JMJD1C: variants seen among roughly 807,000 people sequenced by gnomAD.
JMJD1C encodes the protein jumonji domain containing 1C.
In JMJD1C, 31 loss-of-function variants were observed where a neutral mutation model predicts 245.3. That is an observed-to-expected ratio of 0.13 (90% CI 0.09 to 0.17). The LOEUF (loss-of-function observed/expected upper bound fraction) is 0.17, where lower values mean the gene tolerates loss of function less well. Among genes scored for constraint, JMJD1C ranks in the 10% least tolerant of loss-of-function variants. The probability of loss-of-function intolerance (pLI) is 1.00; values close to 1 mark genes in which losing one functional copy is unlikely to be tolerated. For missense variants in JMJD1C, 2,691 were observed against 3,000.2 expected (o/e 0.90, Z 2.41); for synonymous variants, 1,057 against 1,017.4 (o/e 1.04, Z -0.74).
At chr10:63,450,274 C>G (rs1392444312) in intron 1 of JMJD1C, among the ~76,000 whole-genome samples, 2 of 151,628 alleles carry the variant, frequency 1.3e-5, no homozygotes, top group Admixed American at 6.6e-5. Context: ...GTAGTTCCTG[C>G]TAATTGGAAG....
chr10:63,392,536 T>C (rs923230911), intron 1 of JMJD1C, among the ~76,000 whole-genome samples: 12 of 151,770 alleles, frequency 7.9e-5, no homozygotes, highest in Non-Finnish European at 1.6e-4. Context: ...CATTAAAAAG[T>C]GGGCAAAAGG....
chr10:63,335,072 G>C (rs1438627744), intron 2 of JMJD1C, among the ~76,000 whole-genome samples: 1 of 145,460 alleles, frequency 6.9e-6, no homozygotes, highest in Non-Finnish European at 1.5e-5. Flanking sequence ...AGGAGTTCCA[G>C]TCCTTCACAA....
chr10:63,378,863 C>G (rs181926201), intron 2 of JMJD1C, among the ~76,000 whole-genome samples: 81 of 152,188 alleles, frequency 5.3e-4, no homozygotes, highest in African/African-American at 1.9e-3. Flanking sequence ...TCAACATACT[C>G]ATTAAATATT....
chr10:63,387,628 A>ATTTTTT (rs1564863555), intron 1 of JMJD1C, among the ~76,000 whole-genome samples: 18 of 18,584 alleles, frequency 9.7e-4, no homozygotes, highest in Admixed American at 2.0e-3. Flanking sequence ...AGAAAAAAAA[A>ATTTTTT]ATTTTTTTTT....
At chr10:63,370,014 G>A (rs1174831788) in intron 2 of JMJD1C, among the ~76,000 whole-genome samples, 1 of 152,180 alleles carries the variant, frequency 6.6e-6, no homozygotes, top group Admixed American at 6.5e-5. Flanking sequence ...GCTAGTATGT[G>A]ATTTTGAGCC....
intron 2 of JMJD1C, among the ~76,000 whole-genome samples, chr10:63,298,157 G>C (rs548836036): frequency 2.0e-4 from 31 of 152,246 alleles, no homozygotes; most frequent in African/African-American, 7.5e-4. Flanking sequence ...GTGCTTGCCC[G>C]GTCACACACC....
At chr10:63,393,508 A>G (rs1162146326) in intron 1 of JMJD1C, among the ~76,000 whole-genome samples, 1 of 152,100 alleles carries the variant, frequency 6.6e-6, no homozygotes, top group Non-Finnish European at 1.5e-5. Context: ...AAATATAACT[A>G]CCATATGGTT....
rs746622709 is a variant in JMJD1C, at chr10:63,214,966, A to G, written c.1201T>C (p.Leu401=). The change falls in exon 8 of 26, where the codon TTG becomes CTG. Residue 401 remains leucine, a synonymous_variant. Transcript: ENST00000399262. ...NSSEQKPENE[L]KNKNTSKING... ...ATTTTTGAAGTATTTTTATTTTTCA[A>G]TTCATTCTCTGGCTTCTGTTCTGAG... The G allele has an allele frequency of 6.3e-7, 1 of 1,599,462 alleles. No homozygotes were observed. Among genetic ancestry groups the G allele is most frequent in the Non-Finnish European group, 8.5e-7 (1 of 1,173,210 alleles).
intron 1 of JMJD1C, among the ~76,000 whole-genome samples, chr10:63,383,988 C>G (rs1186993626): frequency 6.6e-6 from 1 of 152,200 alleles, no homozygotes; most frequent in Non-Finnish European, 1.5e-5. Context: ...ACTTTACCCA[C>G]AGCTGAACCT....
intron 2 of JMJD1C, among the ~76,000 whole-genome samples, chr10:63,375,814 C>T (rs1233040520): frequency 2.6e-5 from 4 of 151,988 alleles, no homozygotes; most frequent in African/African-American, 9.7e-5. Flanking sequence ...CTTAGCCTCC[C>T]AAAGAGCTGG....
At chr10:63,278,698 G>C (rs939608333) in intron 2 of JMJD1C, among the ~76,000 whole-genome samples, 1 of 151,794 alleles carries the variant, frequency 6.6e-6, no homozygotes, top group Non-Finnish European at 1.5e-5. Context: ...AATTAGTCAG[G>C]CATGGTGACA....
At chr10:63,203,555 T>C (rs1410611621) in intron 10 of JMJD1C, 9 of 962,026 alleles carry the variant, frequency 9.4e-6, no homozygotes, top group Non-Finnish European at 1.1e-5. Flanking sequence ...AGAATTTATA[T>C]ATTTGAATAT....
At chr10:63,199,265 T>C (rs931754605) in intron 11 of JMJD1C, among the ~76,000 whole-genome samples, 5 of 152,178 alleles carry the variant, frequency 3.3e-5, no homozygotes, top group Non-Finnish European at 5.9e-5. Context: ...GCTCTTAGCT[T>C]CTGATATCCA....
chr10:63,240,482 T>G (rs911676783), intron 3 of JMJD1C, among the ~76,000 whole-genome samples: 2 of 152,176 alleles, frequency 1.3e-5, no homozygotes, highest in African/African-American at 4.8e-5. Flanking sequence ...ATGCAGTAAC[T>G]AAGAGATGAT....
In JMJD1C at chr10:63,191,063, T is replaced by G. The variant is rs748240066; in HGVS notation, c.6122A>C (p.Glu2041Ala). The G allele has an allele frequency of 2.5e-6, 4 of 1,614,038 alleles. No individual in the cohort carries two copies. The South Asian group carries it at 4.4e-5, about 18-fold the overall frequency. ...TLENQIKEER[E>A]QDNSESPNGR... ...ATTTGGAGATTCAGAGTTGTCTTGTTCTCTTTCTTCTTTAATTTGGTTTTC... is the reference window on the plus strand; with the variant it reads ...ATTTGGAGATTCAGAGTTGTCTTGTGCTCTTTCTTCTTTAATTTGGTTTTC... The change falls in exon 17 of 26, where the codon GAA becomes GCA. Residue 2041 changes from glutamate (E) to alanine (A), a missense_variant. Glu to Ala is a moderately radical substitution (Grantham distance 107, BLOSUM62 -1). Transcript: ENST00000399262.
chr10:63,505,815 C>T (rs1954701294), intron 1 of JMJD1C, among the ~76,000 whole-genome samples: 2 of 128,116 alleles, frequency 1.6e-5, no homozygotes, highest in Admixed American at 8.4e-5. Flanking sequence ...CCCTCCTCCC[C>T]CCACAGTACC....
At chr10:63,277,549 A>G (rs1433592780) in intron 2 of JMJD1C, among the ~76,000 whole-genome samples, 1 of 152,122 alleles carries the variant, frequency 6.6e-6, no homozygotes, top group Non-Finnish European at 1.5e-5. Flanking sequence ...AGATTCTCAG[A>G]ATAACTAGCT....
At chr10:63,187,240 T>TA (rs1243641600) in intron 18 of JMJD1C, among the ~76,000 whole-genome samples, 3 of 152,092 alleles carry the variant, frequency 2.0e-5, no homozygotes, top group African/African-American at 7.2e-5. Context: ...TATACGACTT[T>TA]AAAAATAGGT....
chr10:63,434,450 C>T (rs1950949547), intron 1 of JMJD1C, among the ~76,000 whole-genome samples: 1 of 152,018 alleles, frequency 6.6e-6, no homozygotes, highest in Non-Finnish European at 1.5e-5. Context: ...CTTTGTAAGT[C>T]AAGGAGATAA....
Sources: allele counts gnomAD v4.1 joint callset (sites outside exome capture counted in the v4.1 genomes callset), GRCh38; gene constraint gnomAD v4.1.1; transcripts MANE v1.5; gene names NCBI Gene and HGNC (gene_info 2026-07-23, HGNC 2026-07-21).